The following GIGYF2 variants were observed in gnomAD, a reference collection of about 807,000 sequenced individuals.
GIGYF2 encodes the protein GRB10 interacting GYF protein 2.
In GIGYF2, 25 loss-of-function variants were observed where a neutral mutation model predicts 208.1. That is an observed-to-expected ratio of 0.12 (90% CI 0.09 to 0.17). GIGYF2 has a LOEUF of 0.17. Ranked by LOEUF, GIGYF2 falls within the 10% of genes least tolerant of loss-of-function variation. The probability of loss-of-function intolerance (pLI) is 1.00; values close to 1 mark genes in which losing one functional copy is unlikely to be tolerated. For missense variants in GIGYF2, 1,302 were observed against 1,579.4 expected (o/e 0.82, Z 2.98); for synonymous variants, 534 against 543.8 (o/e 0.98, Z 0.25).
At chr2:232,846,236 A>G (rs999626509) in intron 26 of GIGYF2, among the ~76,000 whole-genome samples, 3 of 152,224 alleles carry the variant, frequency 2.0e-5, no homozygotes, top group East Asian at 3.8e-4. Flanking sequence ...ACAAAGGTCA[A>G]CCTGGACAAG....
intron 23 of GIGYF2, among the ~76,000 whole-genome samples, chr2:232,843,671 C>T (rs1701899842): frequency 1.3e-5 from 2 of 151,426 alleles, no homozygotes; most frequent in African/African-American, 2.4e-5. Context: ...GCCAGGAGTT[C>T]GAGACCAGCC....
chr2:232,773,907 A>T (rs1364725574), intron 8 of GIGYF2, among the ~76,000 whole-genome samples: 2 of 128,978 alleles, frequency 1.6e-5, no homozygotes, highest in African/African-American at 5.8e-5. Flanking sequence ...CTTTGTCTCT[A>T]TTTAAAAAAA....
intron 18 of GIGYF2, among the ~76,000 whole-genome samples, chr2:232,813,187 CT>C (rs894736273): frequency 0.047 from 5,863 of 123,850 alleles, 193 homozygotes; most frequent in African/African-American, 0.12. Context: ...TCTTTGCTTT[CT>C]TTTTTTTTTT....
intron 18 of GIGYF2, among the ~76,000 whole-genome samples, chr2:232,815,109 C>A (rs1161124400): frequency 2.0e-5 from 3 of 152,184 alleles, no homozygotes; most frequent in Non-Finnish European, 4.4e-5. Context: ...ACTTGCACTC[C>A]CTCTTTATTG....
At chr2:232,773,964 A>T (rs1699395816) in intron 8 of GIGYF2, among the ~76,000 whole-genome samples, 1 of 151,054 alleles carries the variant, frequency 6.6e-6, no homozygotes, top group Non-Finnish European at 1.5e-5. Context: ...AATAAGTATC[A>T]CTATTAGTCC....
At chr2:232,698,809 A>G (rs1695720017) in intron 1 of GIGYF2, among the ~76,000 whole-genome samples, 1 of 152,236 alleles carries the variant, frequency 6.6e-6, no homozygotes, top group Non-Finnish European at 1.5e-5. Context: ...GTGCTTCACC[A>G]GAAAGGAGAG....
At chr2:232,846,402 CA>C (rs746665926) in intron 26 of GIGYF2, among the ~76,000 whole-genome samples, 3 of 152,166 alleles carry the variant, frequency 2.0e-5, no homozygotes. Context: ...AAAACTTGCT[CA>C]TGGTTAGCTG....
chr2:232,791,616 T>TC (rs1370044990), intron 12 of GIGYF2, among the ~76,000 whole-genome samples, 170 bp downstream of exon 12: 1 of 152,192 alleles, frequency 6.6e-6, no homozygotes, highest in Non-Finnish European at 1.5e-5. Flanking sequence ...CACGTATGTG[T>TC]CCATCTCAGA....
At chr2:232,710,663 A>G (rs1017498941) in intron 2 of GIGYF2, among the ~76,000 whole-genome samples, 1 of 151,640 alleles carries the variant, frequency 6.6e-6, no homozygotes, top group South Asian at 2.1e-4. Context: ...TACTTTTTGA[A>G]TAAGTGTCAC....
intron 14 of GIGYF2, among the ~76,000 whole-genome samples, chr2:232,803,603 C>T (rs534751267): frequency 5.3e-4 from 81 of 151,972 alleles, no homozygotes; most frequent in African/African-American, 1.9e-3. Flanking sequence ...TTTTCTTTCA[C>T]CTTTGTCAAA....
In GIGYF2 at chr2:232,768,097, T is replaced by G. The variant is rs570138880; in HGVS notation, c.532+6661T>G. On this transcript the variant is annotated intron_variant, in intron 8 of 28. Coordinates refer to ENST00000373563, the MANE Select transcript of GIGYF2 (RefSeq NM_001103146.3). ...ATTACCGTGATGTAGAGAGCTATAA[T>G]TAGCATTGAAAAAAGAAAACATGAG... 4 of 1,245,464 alleles carry G rather than the reference T, an allele frequency of 3.2e-6. No homozygotes were observed. The East Asian group carries it at 7.0e-5, about 22-fold the overall frequency. 77.2% of individuals were successfully genotyped at this position (1,245,464 alleles called of 1,614,324 possible).
rs143169615 is a variant in GIGYF2, at chr2:232,705,155, G to A, written c.-44+1666G>A. Among the ~76,000 whole-genome samples the A allele has an allele frequency of 3.8e-3, 573 of 151,902 alleles. 7 individuals are homozygous for A. The highest frequency in any genetic ancestry group is 0.012 in the African/African-American group (517 of 41,436). The stretch of plus-strand genomic sequence containing the variant: ...ATTACAGGCGTGAGCCACCGCGCCC[G>A]GCCAACTTCTGGATATTTTTTATAG... On this transcript the variant is annotated intron_variant, in intron 2 of 28. Coordinates refer to ENST00000373563, the MANE Select transcript of GIGYF2 (RefSeq NM_001103146.3).
rs867493004 is a variant in GIGYF2, at chr2:232,833,759, G to A, written c.2766+666G>A. Reference sequence around the variant, plus strand: ...AACTTAAAAATATAGGCATGTAAACGTTCAGATGTGTAAATGGGAACTAGA... The same window carrying A: ...AACTTAAAAATATAGGCATGTAAACATTCAGATGTGTAAATGGGAACTAGA... On this transcript the variant is annotated intron_variant, in intron 22 of 28. Coordinates refer to ENST00000373563, the MANE Select transcript of GIGYF2 (RefSeq NM_001103146.3). Among the ~76,000 whole-genome samples, 7 of 152,248 alleles carry A rather than the reference G, an allele frequency of 4.6e-5. No individual in the cohort carries two copies. The East Asian group carries it at 7.7e-4, about 17-fold the overall frequency.
Position 232,794,976 on chromosome 2 carries a change from C to T in GIGYF2, c.1479+32C>T, listed in dbSNP as rs1394880345. 2.7e-6 allele frequency: 4 copies of T among 1,477,296 alleles called. No homozygotes were observed. In the South Asian group the frequency reaches 4.5e-5, roughly 17 times the overall value. The allele number at this position is 1,477,296 out of a possible 1,614,324, so 91.5% of individuals were successfully genotyped here. On this transcript the variant is annotated intron_variant, in intron 13 of 28. Coordinates refer to ENST00000373563, the MANE Select transcript of GIGYF2 (RefSeq NM_001103146.3). ...ATCCTGTTAATTCTTTTTGTCTCCT[C>T]TTAAACTGCCGTAAGAATTAGCAGG...
chr2:232,711,869 GTT>G (rs1011109806), intron 2 of GIGYF2, among the ~76,000 whole-genome samples: 1 of 143,148 alleles, frequency 7.0e-6, no homozygotes, highest in African/African-American at 2.5e-5. Context: ...TCACCAGGTA[GTT>G]TTTTTTTTTA....
Position 232,794,856 on chromosome 2 carries a change from C to G in GIGYF2, c.1391C>G (p.Pro464Arg). The G allele has an allele frequency of 6.2e-7, 1 of 1,613,812 alleles. No individual in the cohort carries two copies. The highest frequency in any genetic ancestry group is 8.5e-7 in the Non-Finnish European group (1 of 1,179,690). The change falls in exon 13 of 29, where the codon CCA (proline) becomes CGA (arginine). Residue 464 changes from proline to arginine, a missense_variant. By Grantham distance (103) the Pro-to-Arg change is moderately radical. Around this residue, in one of 8 missense-constraint regions of GIGYF2, gnomAD observed 235 missense variants for 218.8 expected, o/e 1.07. Transcript: ENST00000373563. The stretch of plus-strand genomic sequence containing the variant: ...CCCAATCCTAGTCCTACTCTCCGGC[C>G]AGTTGAAACACCAGTTGTAGGTGCT... ...PVPNPSPTLRPVETPVVGAPG... is the reference protein window; with the variant it reads ...PVPNPSPTLRRVETPVVGAPG...
intron 2 of GIGYF2, among the ~76,000 whole-genome samples, chr2:232,707,388 T>G (rs1696167106): frequency 1.3e-5 from 2 of 152,318 alleles, no homozygotes; most frequent in Middle Eastern, 3.4e-3. Flanking sequence ...TTGTACAGAC[T>G]GACAAGGAAT....
In GIGYF2 at chr2:232,859,134, T is replaced by C. The variant is rs935337643; in HGVS notation, c.*2274T>C. 5 of 152,344 alleles carry C rather than the reference T, an allele frequency of 3.3e-5. No individual in the cohort carries two copies. Among genetic ancestry groups the C allele is most frequent in the Admixed American group, 2.0e-4 (3 of 15,292 alleles). The allele number at this position is 152,344 out of a possible 1,614,324, so 9.4% of individuals were successfully genotyped here. On this transcript the variant is annotated 3_prime_UTR_variant, in exon 29 of 29. Transcript: ENST00000373563. ...ACACTCTTCCCTGGGAATGTTTGTT[T>C]CTGTCTCTCTCAATGCTACTCTCTT...
At chr2:232,831,076 A>T (rs1464562878) in intron 21 of GIGYF2, among the ~76,000 whole-genome samples, 1 of 152,192 alleles carries the variant, frequency 6.6e-6, no homozygotes, top group Non-Finnish European at 1.5e-5. Flanking sequence ...CATTTTCATC[A>T]CATCAAATCA....
Sources: gnomAD v4.1 joint callset for allele counts (sites outside exome capture counted in the v4.1 genomes callset) on GRCh38, gnomAD v4.1.1 for gene constraint, gnomAD v4.1.1 regional missense constraint, MANE v1.5 for transcripts, NCBI Gene and HGNC (gene_info 2026-07-23, HGNC 2026-07-21) for gene names.